Variants in RAPH1 observed in about 807,000 individuals in gnomAD.
The protein encoded by RAPH1 is ras-associated and pleckstrin homology domains-containing protein 1.
Under a neutral mutation model 88.1 loss-of-function variants are expected in RAPH1, and 18 were observed. That is an observed-to-expected ratio of 0.20 (90% confidence interval 0.14 to 0.30). RAPH1 has a LOEUF of 0.30. RAPH1 is among the 10% of genes least tolerant of loss of function. RAPH1 has a pLI of 1.00. For synonymous variants in RAPH1, 587 were observed against 559.0 expected, an observed-to-expected ratio of 1.05 and a Z score of -0.71; for missense variants, 1,448 against 1,543.2, an observed-to-expected ratio of 0.94 and a Z score of 1.03.
At chr2:203,463,964 TACTTTATAAAGG>T (rs939781285) in intron 4 of RAPH1, among the ~76,000 whole-genome samples, 1 of 152,202 alleles carries the variant, frequency 6.6e-6, no homozygotes, top group African/African-American at 2.4e-5. Context: ...AACAGAGCAC[TACTTTATAAAGG>T]AATCTGCAAT....
intron 3 of RAPH1, among the ~76,000 whole-genome samples, chr2:203,490,300 A>C (rs889989069): frequency 2.0e-5 from 3 of 152,208 alleles, no homozygotes; most frequent in Non-Finnish European, 1.5e-5. Context: ...GAGGAGAATA[A>C]ATTATGAGTT....
intron 1 of RAPH1, among the ~76,000 whole-genome samples, chr2:203,506,986 T>A (rs1341310000): frequency 6.8e-6 from 1 of 146,254 alleles, no homozygotes; most frequent in African/African-American, 2.6e-5. Context: ...AACCTCCACC[T>A]CCCAGGTTCA....
At chr2:203,459,736 C>A (rs962650628) in intron 7 of RAPH1, among the ~76,000 whole-genome samples, 171 bp downstream of exon 7, 1 of 152,166 alleles carries the variant, frequency 6.6e-6, no homozygotes, top group Non-Finnish European at 1.5e-5. Context: ...AGCTGACTTT[C>A]CACCTCAGCA....
chr2:203,442,341 T>G, intron 13 of RAPH1: 1 of 321,826 alleles, frequency 3.1e-6, no homozygotes, highest in Non-Finnish European at 5.7e-6. Flanking sequence ...GAAGGACCCT[T>G]GTTTTAAAAA....
At chr2:203,463,463 T>G (rs2098525842) in intron 4 of RAPH1, among the ~76,000 whole-genome samples, 2 of 152,228 alleles carry the variant, frequency 1.3e-5, no homozygotes. Context: ...TATTTTATAC[T>G]CTAGGCTGTC....
Position 203,433,903 on chromosome 2 carries a change from G to T in RAPH1, c.*5534C>A, listed in dbSNP as rs970288455. 1.3e-5 allele frequency: 2 copies of T among 152,514 alleles called. No individual in the cohort carries two copies. The highest frequency in any genetic ancestry group is 2.9e-5 in the Non-Finnish European group (2 of 68,004). 9.4% of individuals were successfully genotyped at this position (152,514 alleles called of 1,614,324 possible). A position where few individuals can be genotyped will look rare whatever the true frequency, so the allele number is the denominator to read the frequency against. Reference sequence around the variant, plus strand: ...TAAATGAAAAACATTTACACTGACTGTACGACTAGTGTGCTAAGCCATTAC... The same window carrying T: ...TAAATGAAAAACATTTACACTGACTTTACGACTAGTGTGCTAAGCCATTAC... On this transcript the variant is annotated 3_prime_UTR_variant, in exon 14 of 14. Transcript: ENST00000319170.
intron 4 of RAPH1, among the ~76,000 whole-genome samples, chr2:203,464,614 A>G (rs1406813192): frequency 6.6e-6 from 1 of 152,250 alleles, no homozygotes; most frequent in African/African-American, 2.4e-5. Context: ...GGTATTACAT[A>G]ATCTATAAAT....
chr2:203,443,210 C>A (rs2098505866), intron 13 of RAPH1: 1 of 152,182 alleles, frequency 6.6e-6, no homozygotes, highest in Non-Finnish European at 1.5e-5. Flanking sequence ...TCCATTTATT[C>A]TCATTCGTGA....
intron 13 of RAPH1, chr2:203,441,744 G>T: frequency 7.8e-7 from 1 of 1,284,596 alleles, no homozygotes; most frequent in Non-Finnish European, 9.8e-7. Context: ...CTTTGACACA[G>T]CCTGCCCTAC....
intron 1 of RAPH1, among the ~76,000 whole-genome samples, chr2:203,506,655 C>G (rs1689016036): frequency 1.3e-5 from 2 of 149,302 alleles, no homozygotes; most frequent in South Asian, 4.2e-4. Context: ...GATCAGGGGT[C>G]TAATCTGTGA....
intron 2 of RAPH1, among the ~76,000 whole-genome samples, chr2:203,493,971 C>CAAAA (rs397937732): frequency 3.2e-4 from 6 of 18,962 alleles, no homozygotes; most frequent in African/African-American, 8.1e-4. Flanking sequence ...GACTCTATCT[C>CAAAA]AAAAAAAAAA....
intron 1 of RAPH1, among the ~76,000 whole-genome samples, chr2:203,501,528 G>A (rs1688738003): frequency 6.6e-6 from 1 of 152,172 alleles, no homozygotes; most frequent in South Asian, 2.1e-4. Context: ...GCAACTTTGG[G>A]AGGCCAAGGC....
At chr2:203,453,459 T>C (rs1276775838) in intron 10 of RAPH1, among the ~76,000 whole-genome samples, 1 of 143,598 alleles carries the variant, frequency 7.0e-6, no homozygotes, top group East Asian at 2.0e-4. Flanking sequence ...GCTGGGAATA[T>C]CGCTGGAGCC....
intron 1 of RAPH1, among the ~76,000 whole-genome samples, chr2:203,507,473 G>C (rs1396726508): frequency 1.3e-5 from 2 of 152,140 alleles, no homozygotes; most frequent in African/African-American, 4.8e-5. Flanking sequence ...AAATTACTCA[G>C]AAGACAACCT....
chr2:203,442,247 T>A, intron 13 of RAPH1: 1 of 588,150 alleles, frequency 1.7e-6, no homozygotes, highest in Non-Finnish European at 2.9e-6. Context: ...CCCATCTGGG[T>A]AGCTGAAATG....
In RAPH1 at chr2:203,523,495, A is replaced by G. The variant is rs187813537; in HGVS notation, c.-1+11616T>C. 5.0e-3 allele frequency among the ~76,000 whole-genome samples: 762 copies of G among 152,134 alleles called. 10 individuals carry two copies. Among genetic ancestry groups the G allele is most frequent in the African/African-American group, 0.017 (719 of 41,506 alleles). ...AGATATAAATGGGGCAGAGGGCTCG[A>G]TATCACTCATAAACAAAAATTAATT... On this transcript the variant is annotated intron_variant, in intron 1 of 13. Coordinates refer to ENST00000319170, the MANE Select transcript of RAPH1 (RefSeq NM_213589.3).
Position 203,518,965 on chromosome 2 carries a change from A to G in RAPH1, c.-1+16146T>C, listed in dbSNP as rs184824219. 4.9e-3 allele frequency among the ~76,000 whole-genome samples: 739 copies of G among 152,348 alleles called. 1 individual carries two copies. The highest frequency in any genetic ancestry group is 0.01 in the Middle Eastern group (3 of 294). On this transcript the variant is annotated intron_variant, in intron 1 of 13. Transcript: ENST00000319170. ...TGTCAAAACTCAAACAAGAATAGAC[A>G]ATCTGAATAGGCCTGTACCTACTAA...
intron 10 of RAPH1, among the ~76,000 whole-genome samples, chr2:203,449,729 A>G (rs563900341): frequency 3.3e-5 from 5 of 152,202 alleles, no homozygotes; most frequent in Non-Finnish European, 5.9e-5. Flanking sequence ...GTGTTCAGTT[A>G]TAAGAAAGAA....
chr2:203,477,239 GATCA>G, intron 4 of RAPH1: 1 of 996,428 alleles, frequency 1.0e-6, no homozygotes, highest in Non-Finnish European at 1.6e-6. Flanking sequence ...AAGAGAAAAA[GATCA>G]ATGAAGTGAA....
Sources: gnomAD v4.1 joint callset for allele counts (sites outside exome capture counted in the v4.1 genomes callset) on GRCh38, gnomAD v4.1.1 for gene constraint, MANE v1.5 for transcripts, NCBI Gene and HGNC (gene_info 2026-07-23, HGNC 2026-07-21) for gene names.